Variants in PTPRQ observed in about 807,000 individuals in gnomAD.
The protein encoded by PTPRQ is protein tyrosine phosphatase receptor type Q.
Under a neutral mutation model 246.0 loss-of-function variants are expected in PTPRQ, and 199 were observed. That is an observed-to-expected ratio of 0.81 (90% CI 0.72 to 0.91). The LOEUF (loss-of-function observed/expected upper bound fraction) is 0.91. Among genes scored for constraint, PTPRQ ranks in the 40% least tolerant of loss-of-function variants. The probability of loss-of-function intolerance (pLI) is 0.00; values close to 1 mark genes in which losing one functional copy is unlikely to be tolerated. For missense variants in PTPRQ, 2,624 were observed against 2,528.4 expected (o/e 1.04, Z -0.81); for synonymous variants, 869 against 853.2 (o/e 1.02, Z -0.32).
At chr12:80,492,658 T>G (rs1488118038) in intron 9 of PTPRQ, among the ~76,000 whole-genome samples, 2 of 151,970 alleles carry the variant, frequency 1.3e-5, no homozygotes, top group African/African-American at 4.8e-5. Context: ...TTGACATGTG[T>G]GAATTACATT....
chr12:80,625,811 G>A (rs1175880740), intron 33 of PTPRQ, among the ~76,000 whole-genome samples: 3 of 152,058 alleles, frequency 2.0e-5, no homozygotes, highest in African/African-American at 7.2e-5. Flanking sequence ...TCAAGATTGA[G>A]TATTGGCATT....
At chr12:80,449,875 A>T (rs532865758) in intron 3 of PTPRQ, among the ~76,000 whole-genome samples, 8,087 of 152,122 alleles carry the variant, frequency 0.053, 288 homozygotes, top group Middle Eastern at 0.088. Flanking sequence ...TTTTGGTTCC[A>T]TATGAACTTT....
chr12:80,517,240 C>T (rs905978406), intron 17 of PTPRQ, among the ~76,000 whole-genome samples: 12 of 152,114 alleles, frequency 7.9e-5, no homozygotes, highest in African/African-American at 2.9e-4. Flanking sequence ...AATCAGAACA[C>T]TTTTGCCATA....
At position 80,549,463 on chromosome 12, in the gene PTPRQ, A is replaced by C. The variant is rs1349523658; in HGVS notation, c.4016-2A>C. On this transcript the variant is annotated splice_acceptor_variant, in intron 24 of 44. Coordinates refer to ENST00000644991, the MANE Select transcript of PTPRQ (RefSeq NM_001145026.2). LOFTEE classifies it high-confidence loss of function. ...ACTTTGGGCATATGTTTATCTCTTA[A>C]GTTCCAGATGTCGTGCAGAATATGC... 1 of 1,541,282 alleles carries C rather than the reference A, an allele frequency of 6.5e-7. No individual in the cohort carries two copies. Among genetic ancestry groups the C allele is most frequent in the South Asian group, 1.2e-5 (1 of 82,652 alleles).
At chr12:80,518,531 G>C (rs148188425) in intron 17 of PTPRQ, among the ~76,000 whole-genome samples, 115 of 152,158 alleles carry the variant, frequency 7.6e-4, no homozygotes, top group African/African-American at 2.7e-3. Context: ...GCCTATGCTT[G>C]TGGGGTATTA....
chr12:80,456,022 A>G (rs1892970945), intron 3 of PTPRQ, among the ~76,000 whole-genome samples: 1 of 152,228 alleles, frequency 6.6e-6, no homozygotes, highest in Non-Finnish European at 1.5e-5. Context: ...AGGGATAAGT[A>G]TGACATTTCC....
chr12:80,539,928 A>G lies in PTPRQ; in HGVS notation c.3138A>G (p.Val1046=), dbSNP rs1023667171. ...ATAAAAGCAGTGACATCATTGAAGT[A>G]TACACAGATCAAGACAGTATGTAAA... ...NGNKSSDIIE[V]YTDQDIPEGF... is the part of the protein sequence containing the mutation. Residue 1046 remains valine (V), a synonymous_variant, in exon 20 of 45, where the codon GTA becomes GTG. Coordinates refer to ENST00000644991, the MANE Select transcript of PTPRQ (RefSeq NM_001145026.2). The G allele has an allele frequency of 6.5e-7, 1 of 1,545,068 alleles. No homozygotes were observed. Among genetic ancestry groups the G allele is most frequent in the Non-Finnish European group, 8.7e-7 (1 of 1,144,106 alleles).
intron 33 of PTPRQ, among the ~76,000 whole-genome samples, chr12:80,623,987 C>G (rs2121143717): frequency 6.6e-6 from 1 of 152,294 alleles, no homozygotes; most frequent in African/African-American, 2.4e-5. Context: ...ATGGTCTTCT[C>G]TTTCTTCTTT....
intron 6 of PTPRQ, 90 bp from the exon 7 acceptor site, chr12:80,468,620 C>T (rs1386755204): frequency 8.1e-7 from 1 of 1,232,588 alleles, no homozygotes; most frequent in African/African-American, 1.6e-5. Flanking sequence ...TATTTTCCTT[C>T]TTTGCCTTTG....
intron 30 of PTPRQ, among the ~76,000 whole-genome samples, chr12:80,618,739 C>T (rs924824797): frequency 1.3e-5 from 2 of 151,316 alleles, no homozygotes; most frequent in Non-Finnish European, 3.0e-5. Flanking sequence ...ATAATATAGT[C>T]ATTAAGAAGA....
chr12:80,474,604 A>G (rs1893754223), intron 8 of PTPRQ, among the ~76,000 whole-genome samples: 1 of 152,246 alleles, frequency 6.6e-6, no homozygotes, highest in Non-Finnish European at 1.5e-5. Flanking sequence ...AGATTTCTGC[A>G]TAGGCATGAA....
intron 25 of PTPRQ, among the ~76,000 whole-genome samples, chr12:80,562,417 T>C (rs1261637967): frequency 6.6e-6 from 1 of 152,214 alleles, no homozygotes; most frequent in Non-Finnish European, 1.5e-5. Context: ...AGATGTCTTT[T>C]TGGAGAATTT....
At chr12:80,654,595 C>T (rs1420319429) in intron 38 of PTPRQ, among the ~76,000 whole-genome samples, 1 of 151,866 alleles carries the variant, frequency 6.6e-6, no homozygotes, top group Non-Finnish European at 1.5e-5. Context: ...CGCCTGTAAT[C>T]CCAGCACGTT....
intron 35 of PTPRQ, among the ~76,000 whole-genome samples, chr12:80,646,876 T>C (rs1405280697): frequency 1.3e-5 from 2 of 152,174 alleles, no homozygotes; most frequent in Non-Finnish European, 2.9e-5. Context: ...TGTATATTTA[T>C]TCAATTAATC....
chr12:80,546,037 G>A (rs7308740), intron 23 of PTPRQ, among the ~76,000 whole-genome samples: 3,121 of 152,128 alleles, frequency 0.021, 104 homozygotes, highest in African/African-American at 0.07. Flanking sequence ...GCAATTATAC[G>A]CCAGGTGCAG....
At chr12:80,446,242 G>C (rs1158101899) in intron 3 of PTPRQ, among the ~76,000 whole-genome samples, 1 of 136,748 alleles carries the variant, frequency 7.3e-6, no homozygotes, top group Non-Finnish European at 1.6e-5. Context: ...TTTTTTTTTG[G>C]TGCTTTAGAC....
intron 19 of PTPRQ, 95 bp downstream of exon 19, chr12:80,535,132 A>C: frequency 8.3e-7 from 1 of 1,211,010 alleles, no homozygotes; most frequent in South Asian, 1.8e-5. Flanking sequence ...TTTACCTTAC[A>C]TTGATAATTA....
At chr12:80,476,832 T>C (rs1320110249) in intron 8 of PTPRQ, among the ~76,000 whole-genome samples, 3 of 152,330 alleles carry the variant, frequency 2.0e-5, no homozygotes, top group South Asian at 2.1e-4. Flanking sequence ...CATTTTCTCT[T>C]TCTTAAAAGT....
chr12:80,456,805 T>C (rs1892996649), intron 3 of PTPRQ, among the ~76,000 whole-genome samples: 1 of 152,172 alleles, frequency 6.6e-6, no homozygotes, highest in African/African-American at 2.4e-5. Flanking sequence ...TCCTGTTAAG[T>C]ATTTTACATG....
Sources: gnomAD v4.1 joint callset for allele counts (sites outside exome capture counted in the v4.1 genomes callset) on GRCh38, gnomAD v4.1.1 for gene constraint, MANE v1.5 for transcripts, NCBI Gene and HGNC (gene_info 2026-07-23, HGNC 2026-07-21) for gene names.